PHF20: variants seen among roughly 807,000 people sequenced by gnomAD.
PHF20 encodes the protein glioma-expressed antigen 2.
PHF20 carries 23 observed loss-of-function variants against 113.5 expected under a neutral mutation model. That is an observed-to-expected ratio of 0.20 (90% CI 0.15 to 0.29). The LOEUF is 0.29. PHF20 is among the 10% of genes least tolerant of loss of function. PHF20 has a pLI of 1.00. For synonymous variants in PHF20, 434 were observed against 457.3 expected, an observed-to-expected ratio of 0.95 and a Z score of 0.65; for missense variants, 943 against 1,219.6, an observed-to-expected ratio of 0.77 and a Z score of 3.38.
intron 2 of PHF20, among the ~76,000 whole-genome samples, chr20:35,806,162 ATT>A (rs1299032685): frequency 4.9e-5 from 6 of 123,680 alleles, no homozygotes; most frequent in African/African-American, 1.3e-4. Flanking sequence ...CATGCCTGGC[ATT>A]TTTTTTTTTT....
intron 1 of PHF20, among the ~76,000 whole-genome samples, chr20:35,791,193 T>TA (rs777719788): frequency 6.6e-6 from 1 of 152,054 alleles, no homozygotes; most frequent in Admixed American, 6.6e-5. Context: ...TGATCATACT[T>TA]ACATTTTAGA....
chr20:35,936,617 A>C (rs1026151120), intron 15 of PHF20, among the ~76,000 whole-genome samples: 3 of 152,190 alleles, frequency 2.0e-5, no homozygotes, highest in Admixed American at 2.0e-4. Flanking sequence ...GGTGCGAATA[A>C]ATTTTCAGAA....
intron 5 of PHF20, among the ~76,000 whole-genome samples, chr20:35,859,205 A>G (rs1227068176): frequency 6.6e-6 from 1 of 152,168 alleles, no homozygotes; most frequent in Non-Finnish European, 1.5e-5. Flanking sequence ...GTCACCATGC[A>G]TGTACTTGCC....
chr20:35,849,229 C>T (rs1267566868), intron 4 of PHF20, among the ~76,000 whole-genome samples: 1 of 151,954 alleles, frequency 6.6e-6, no homozygotes, highest in African/African-American at 2.4e-5. Flanking sequence ...TGAAGGAAAG[C>T]TAGCCTTTGT....
At chr20:35,924,549 C>A (rs1434732475) in intron 13 of PHF20, among the ~76,000 whole-genome samples, 3 of 151,686 alleles carry the variant, frequency 2.0e-5, no homozygotes, top group African/African-American at 7.3e-5. Context: ...AATTAAAAAC[C>A]ATTTTATTTT....
chr20:35,777,916 C>T (rs140082029), intron 1 of PHF20, among the ~76,000 whole-genome samples: 1 of 152,218 alleles, frequency 6.6e-6, no homozygotes, highest in East Asian at 1.9e-4. Flanking sequence ...ATAAAACCAA[C>T]AGTTCTTTGA....
intron 10 of PHF20, 122 bp from the exon 11 acceptor site, chr20:35,913,127 C>A: frequency 1.8e-6 from 1 of 563,730 alleles, no homozygotes; most frequent in Non-Finnish European, 3.3e-6. Context: ...CAGACTGGAG[C>A]AATCTGCTCC....
chr20:35,909,784 A>T lies in PHF20; in HGVS notation c.1562-3465A>T, dbSNP rs2055264144. 2.0e-5 allele frequency among the ~76,000 whole-genome samples: 3 copies of T among 152,164 alleles called. No individual in the cohort carries two copies. In the South Asian group the frequency reaches 6.2e-4, roughly 32 times the overall value. On this transcript the variant is annotated intron_variant, in intron 10 of 17. Transcript: ENST00000374012. ...ATTCCAGGCTTGCCAGCCAGTAGGC[A>T]CAGCCCACTCTTCCTTTCTGATGGT...
chr20:35,933,553 C>A (rs998017855), intron 15 of PHF20, among the ~76,000 whole-genome samples: 1 of 152,178 alleles, frequency 6.6e-6, no homozygotes, highest in Non-Finnish European at 1.5e-5. Context: ...CCTGCCACCA[C>A]GCCCGGCTAA....
chr20:35,904,825 C>CA (rs2055173721), intron 10 of PHF20, among the ~76,000 whole-genome samples: 1 of 113,766 alleles, frequency 8.8e-6, no homozygotes. Context: ...CTTTCTCTTT[C>CA]TTTTTTTTTG....
intron 10 of PHF20, among the ~76,000 whole-genome samples, chr20:35,902,362 C>G (rs1568736357): frequency 6.6e-6 from 1 of 152,148 alleles, no homozygotes; most frequent in Non-Finnish European, 1.5e-5. Context: ...TAGAGTGCAG[C>G]CTACCCCAGA....
Position 35,797,013 on chromosome 20 carries a change from G to GT in PHF20, c.-32-4469dup, listed in dbSNP as rs1184753867. Among the ~76,000 whole-genome samples, 10 of 151,032 alleles carry GT rather than the reference G, an allele frequency of 6.6e-5. No individual in the cohort carries two copies. The East Asian group carries it at 9.8e-4, about 15-fold the overall frequency. ...ATTCTTGCATTTAAAAAATTTGCAG[G>GT]TTTTTTTTTGGATTTTTTGTAGAGA... On this transcript the variant is annotated intron_variant, in intron 1 of 17. Coordinates refer to ENST00000374012, the MANE Select transcript of PHF20 (RefSeq NM_016436.5).
intron 2 of PHF20, among the ~76,000 whole-genome samples, chr20:35,815,797 G>C (rs1384391838): frequency 1.3e-5 from 2 of 152,026 alleles, no homozygotes; most frequent in Admixed American, 1.3e-4. Flanking sequence ...GGAGGCCTAG[G>C]TAAGAGGATC....
chr20:35,918,782 A>G (rs6121087), intron 13 of PHF20, among the ~76,000 whole-genome samples: 1 of 152,208 alleles, frequency 6.6e-6, no homozygotes, highest in South Asian at 2.1e-4. Context: ...TAGAGCTTAC[A>G]GATTATCGAC....
intron 1 of PHF20, among the ~76,000 whole-genome samples, chr20:35,786,251 T>G (rs112369740): frequency 2.0e-5 from 3 of 147,354 alleles, no homozygotes; most frequent in South Asian, 4.3e-4. Flanking sequence ...ATTAGTTGGG[T>G]GTGGTGGCGT....
chr20:35,858,401 G>C lies in PHF20; in HGVS notation c.420+20G>C. 7.2e-7 allele frequency: 1 copy of C among 1,387,228 alleles called. No individual in the cohort carries two copies. The highest frequency in any genetic ancestry group is 1.0e-6 in the Non-Finnish European group (1 of 982,272). 85.9% of individuals were successfully genotyped at this position (1,387,228 alleles called of 1,614,324 possible). On this transcript the variant is annotated intron_variant, in intron 5 of 17. Coordinates refer to ENST00000374012, the MANE Select transcript of PHF20 (RefSeq NM_016436.5). ...GATCAGGTGAGAAATGTGGTTTTGT[G>C]CTTTGTGTTATGAATAATGCTAACA... is the stretch of plus-strand genomic sequence containing the variant.
intron 15 of PHF20, among the ~76,000 whole-genome samples, chr20:35,933,705 G>T (rs1052177683): frequency 6.6e-6 from 1 of 152,122 alleles, no homozygotes; most frequent in Non-Finnish European, 1.5e-5. Flanking sequence ...CCTAATTTTT[G>T]TATTTTTAGT....
At chr20:35,853,661 G>A (rs1600829364) in intron 4 of PHF20, among the ~76,000 whole-genome samples, 1 of 152,246 alleles carries the variant, frequency 6.6e-6, no homozygotes, top group East Asian at 1.9e-4. Flanking sequence ...GTGAGGCAGA[G>A]ACAGTAGGAT....
intron 15 of PHF20, among the ~76,000 whole-genome samples, chr20:35,933,553 C>T (rs998017855): frequency 2.0e-5 from 3 of 152,060 alleles, no homozygotes; most frequent in East Asian, 1.9e-4. Flanking sequence ...CCTGCCACCA[C>T]GCCCGGCTAA....
Sources: allele counts gnomAD v4.1 joint callset (sites outside exome capture counted in the v4.1 genomes callset), GRCh38; gene constraint gnomAD v4.1.1; transcripts MANE v1.5; gene names NCBI Gene and HGNC (gene_info 2026-07-23, HGNC 2026-07-21).